The following CD80 variants were observed in gnomAD, a reference collection of about 807,000 sequenced individuals.
CD80 encodes the protein T-lymphocyte activation antigen CD80.
In CD80, 13 loss-of-function variants were observed where a neutral mutation model predicts 27.1. That is an observed-to-expected ratio of 0.48 (90% CI 0.31 to 0.76). CD80 has a LOEUF of 0.76. CD80 is among the 30% of genes least tolerant of loss of function. The pLI, the probability that CD80 is intolerant of heterozygous loss-of-function variation, is 0.04. For synonymous variants in CD80, 125 were observed against 125.5 expected (o/e 1.00, Z 0.03); for missense variants, 277 against 347.9 (o/e 0.80, Z 1.62).
intron 3 of CD80, among the ~76,000 whole-genome samples, chr3:119,541,973 G>T (rs993948278): frequency 2.0e-5 from 3 of 151,710 alleles, no homozygotes; most frequent in African/African-American, 7.3e-5. Context: ...CACCTGACCT[G>T]AGTCTACTTC....
At position 119,556,546 on chromosome 3, in the gene CD80, T is replaced by C. The variant is rs715890; in HGVS notation, c.100+1083A>G. Among the ~76,000 whole-genome samples the C allele has an allele frequency of 4.3e-3, 654 of 152,306 alleles. 29 individuals carry two copies. The East Asian group carries it at 0.11, about 26-fold the overall frequency. ...AAAACCTGAGGTGTAAATTGTGAAATGTAGGCCATGTTTCTCTTGGTTCTG... is the reference window on the plus strand; with the variant it reads ...AAAACCTGAGGTGTAAATTGTGAAACGTAGGCCATGTTTCTCTTGGTTCTG... On this transcript the variant is annotated intron_variant, in intron 2 of 6. Coordinates refer to ENST00000264246, the MANE Select transcript of CD80 (RefSeq NM_005191.4).
chr3:119,554,766 C>T (rs2082253627), intron 2 of CD80, among the ~76,000 whole-genome samples: 1 of 152,200 alleles, frequency 6.6e-6, no homozygotes, highest in Non-Finnish European at 1.5e-5. Flanking sequence ...ACACTCACAC[C>T]TACACTCCCG....
At position 119,549,137 on chromosome 3, in the gene CD80, C is replaced by A. The variant is rs527236412; in HGVS notation, c.101-4270G>T. Among the ~76,000 whole-genome samples the A allele has an allele frequency of 2.2e-4, 34 of 152,280 alleles. No homozygotes were observed. In the South Asian group the frequency reaches 6.6e-3, roughly 30 times the overall value. ...GCTGAAATGACTCCCATGCTTATACCTTTGGACTATTTCTACCATCTTCAG... is the reference window on the plus strand; with the variant it reads ...GCTGAAATGACTCCCATGCTTATACATTTGGACTATTTCTACCATCTTCAG... On this transcript the variant is annotated intron_variant, in intron 2 of 6. Transcript: ENST00000264246.
At chr3:119,549,767 C>A (rs956229519) in intron 2 of CD80, among the ~76,000 whole-genome samples, 3 of 152,140 alleles carry the variant, frequency 2.0e-5, no homozygotes, top group African/African-American at 7.2e-5. Flanking sequence ...TGTTGCCAGT[C>A]CCTGCTTTAG....
chr3:119,527,803 T>G lies in CD80; in HGVS notation c.835A>C (p.Arg279=). ...GGGCGTACACTTTCCCTTCTCAATC[T>G]CTCATTCCTCCTTCTCTCTCTGCAT... ...PRCRERRRNE[R]LRRESVRPV is the part of the protein sequence containing the mutation. Residue 279 remains arginine, a synonymous_variant, in exon 6 of 7, where the codon AGA becomes CGA. Transcript: ENST00000264246. The G allele has an allele frequency of 6.2e-7, 1 of 1,614,046 alleles. No homozygotes were observed. Among genetic ancestry groups the G allele is most frequent in the Non-Finnish European group, 8.5e-7 (1 of 1,179,920 alleles).
intron 5 of CD80, among the ~76,000 whole-genome samples, chr3:119,528,506 A>C (rs1020898495): frequency 2.6e-5 from 4 of 152,168 alleles, no homozygotes; most frequent in African/African-American, 9.7e-5. Flanking sequence ...CTAACACCCA[A>C]AGTGTAAATT....
chr3:119,540,485 G>A (rs913802876), intron 3 of CD80, among the ~76,000 whole-genome samples: 4 of 152,026 alleles, frequency 2.6e-5, no homozygotes, highest in African/African-American at 2.4e-5. Flanking sequence ...GTCCCTAAAT[G>A]AAGTTTGATA....
At chr3:119,535,011 G>A (rs781645897) in intron 4 of CD80, among the ~76,000 whole-genome samples, 19 of 152,132 alleles carry the variant, frequency 1.2e-4, no homozygotes, top group Non-Finnish European at 2.4e-4. Flanking sequence ...GACCAACGTG[G>A]TGAAACTCCA....
chr3:119,557,896 G>A lies in CD80; in HGVS notation c.-168C>T, dbSNP rs971248349. 2 of 417,738 alleles carry A rather than the reference G, an allele frequency of 4.8e-6. No homozygotes were observed. The highest frequency in any genetic ancestry group is 4.3e-5 in the Admixed American group (1 of 23,422). 25.9% of individuals were successfully genotyped at this position (417,738 alleles called of 1,614,324 possible). On this transcript the variant is annotated 5_prime_UTR_variant, in exon 2 of 7. Coordinates refer to ENST00000264246, the MANE Select transcript of CD80 (RefSeq NM_005191.4). Reference sequence around the variant, plus strand: ...ACACAGAGATTGGAGGGTGTTCCTGGGTCTCCAAAGGTTGTGGATTTAGTT... The same window carrying A: ...ACACAGAGATTGGAGGGTGTTCCTGAGTCTCCAAAGGTTGTGGATTTAGTT...
chr3:119,546,815 AAC>A (rs10661634), intron 2 of CD80, among the ~76,000 whole-genome samples: 4,293 of 148,918 alleles, frequency 0.029, 107 homozygotes, highest in African/African-American at 0.069. Context: ...GTGATGCAAC[AAC>A]ACACACACAC....
rs141885941 is a variant in CD80, at chr3:119,538,724, A to G, written c.419-1306T>C. On this transcript the variant is annotated intron_variant, in intron 3 of 6. Transcript: ENST00000264246. Reference sequence around the variant, plus strand: ...CTACCTAAACTCAATACATAAATAGAGAAGGCTTTGCCTAACATAGAACTT... The same window carrying G: ...CTACCTAAACTCAATACATAAATAGGGAAGGCTTTGCCTAACATAGAACTT... Among the ~76,000 whole-genome samples the G allele has an allele frequency of 2.6e-5, 4 of 152,324 alleles. No homozygotes were observed. In the East Asian group the frequency reaches 5.8e-4, roughly 22 times the overall value.
chr3:119,542,637 C>T (rs2082176149), intron 3 of CD80, among the ~76,000 whole-genome samples: 1 of 152,192 alleles, frequency 6.6e-6, no homozygotes, highest in Non-Finnish European at 1.5e-5. Flanking sequence ...AGAGATCTAA[C>T]TTAACTGACT....
Position 119,557,781 on chromosome 3 carries a change from A to G in CD80, c.-53T>C, listed in dbSNP as rs1425726585. 16 of 1,340,084 alleles carry G rather than the reference A, an allele frequency of 1.2e-5. No individual in the cohort carries two copies. The highest frequency in any genetic ancestry group is 1.6e-5 in the Non-Finnish European group (15 of 955,486). 83.0% of individuals were successfully genotyped at this position (1,340,084 alleles called of 1,614,324 possible). A position where few individuals can be genotyped will look rare whatever the true frequency, so the allele number is the denominator to read the frequency against. The stretch of plus-strand genomic sequence containing the variant: ...AAAGCCAACAATTTGGACCCAAGTA[A>G]GACCAGGGCACTTCCCAGGTGCAAA... On this transcript the variant is annotated 5_prime_UTR_variant, in exon 2 of 7. Transcript: ENST00000264246.
At chr3:119,546,626 A>G (rs1006786880) in intron 2 of CD80, among the ~76,000 whole-genome samples, 68 of 152,334 alleles carry the variant, frequency 4.5e-4, no homozygotes, top group African/African-American at 1.5e-3. Context: ...TTCATTATTC[A>G]TGAATTCTCA....
chr3:119,552,445 G>A (rs961996605), intron 2 of CD80, among the ~76,000 whole-genome samples: 1 of 150,662 alleles, frequency 6.6e-6, no homozygotes, highest in African/African-American at 2.4e-5. Context: ...GCCGGGAGGC[G>A]GAGCTTGCTG....
At chr3:119,557,317 G>A (rs530192789) in intron 2 of CD80, among the ~76,000 whole-genome samples, 10 of 152,288 alleles carry the variant, frequency 6.6e-5, no homozygotes, top group African/African-American at 2.4e-4. Flanking sequence ...AAATGTAAAT[G>A]AGCATCTAAT....
chr3:119,529,691 T>C, intron 5 of CD80, 151 bp downstream of exon 5: 1 of 600,590 alleles, frequency 1.7e-6, no homozygotes. Context: ...ACAGAACTTG[T>C]TGAGACAAGT....
intron 3 of CD80, among the ~76,000 whole-genome samples, chr3:119,540,807 G>C (rs987793949): frequency 5.3e-5 from 8 of 152,078 alleles, no homozygotes; most frequent in African/African-American, 1.9e-4. Flanking sequence ...CTAGCACTTT[G>C]GGAGGTCAAG....
intron 2 of CD80, among the ~76,000 whole-genome samples, chr3:119,546,282 T>A (rs897101269): frequency 6.6e-6 from 1 of 152,194 alleles, no homozygotes; most frequent in Non-Finnish European, 1.5e-5. Context: ...GAGGGCAAGG[T>A]GCTGTTGCCC....
Sources: allele counts gnomAD v4.1 joint callset (sites outside exome capture counted in the v4.1 genomes callset), GRCh38; gene constraint gnomAD v4.1.1; transcripts MANE v1.5; gene names NCBI Gene and HGNC (gene_info 2026-07-23, HGNC 2026-07-21).